FLNB: variants seen among roughly 807,000 people sequenced by gnomAD.
FLNB encodes filamin B.
FLNB carries 111 observed loss-of-function variants against 250.6 expected under a neutral mutation model. That is an observed-to-expected ratio of 0.44 (90% CI 0.38 to 0.52). The LOEUF is 0.52. Ranked by LOEUF, FLNB falls within the 20% of genes least tolerant of loss-of-function variation. The pLI is 0.00. For missense variants in FLNB, 2,869 were observed against 3,447.8 expected (o/e 0.83, Z 4.20); for synonymous variants, 1,302 against 1,372.1 (o/e 0.95, Z 1.13).
Position 58,029,129 on chromosome 3 carries a change from A to G in FLNB, c.292+20273A>G, listed in dbSNP as rs144144810. On this transcript the variant is annotated intron_variant, in intron 1 of 45. Coordinates refer to ENST00000295956, the MANE Select transcript of FLNB (RefSeq NM_001457.4). The stretch of plus-strand genomic sequence containing the variant: ...TTTGTTGTTTTTATGGTGTTATGAC[A>G]ATGATCCATCTTAACCCTTTATGTA... Among the ~76,000 whole-genome samples the G allele has an allele frequency of 1.5e-3, 228 of 152,040 alleles. 1 individual carries two copies. Among genetic ancestry groups the G allele is most frequent in the African/African-American group, 5.3e-3 (217 of 41,330 alleles).
chr3:58,008,503 T>C lies in FLNB; in HGVS notation c.-62T>C. 1.3e-6 allele frequency: 2 copies of C among 1,537,504 alleles called. No homozygotes were observed. Among genetic ancestry groups the C allele is most frequent in the South Asian group, 1.2e-5 (1 of 84,102 alleles). On this transcript the variant is annotated 5_prime_UTR_variant, in exon 1 of 46. Transcript: ENST00000295956. ...GCTTCGGTTCTCGCTCCTTCGGCCC[T>C]TGGGCCTCCAAACACCAGTCCCCGG...
intron 1 of FLNB, among the ~76,000 whole-genome samples, chr3:58,064,063 C>T (rs1418994537): frequency 6.6e-6 from 1 of 152,068 alleles, no homozygotes; most frequent in African/African-American, 2.4e-5. Context: ...AGAGTCATTT[C>T]AAGCCAATTT....
At chr3:58,043,904 A>T (rs895097210) in intron 1 of FLNB, among the ~76,000 whole-genome samples, 9 of 152,198 alleles carry the variant, frequency 5.9e-5, no homozygotes, top group Non-Finnish European at 1.2e-4. Flanking sequence ...ACTTAAGTGT[A>T]ATCCTGCAGC....
rs1379171444 is a variant in FLNB at position 58,148,856 on chromosome 3, T to A, written c.6091+4T>A. ...ATCGTGGACACAAGGGATGCAGGTC[T>A]GTGTGGTCCCAGGGGAGAGGCCCAG... On this transcript the variant is annotated splice_donor_region_variant and intron_variant, in intron 36 of 45. Transcript: ENST00000295956. 3 of 1,611,042 alleles carry A rather than the reference T, an allele frequency of 1.9e-6. No homozygotes were observed. The highest frequency in any genetic ancestry group is 2.5e-6 in the Non-Finnish European group (3 of 1,179,780).
chr3:58,162,459 T>G (rs2097363375), intron 42 of FLNB: 1 of 152,574 alleles, frequency 6.6e-6, no homozygotes, highest in Admixed American at 6.5e-5. Context: ...AGCTTTGAGC[T>G]TAATTAAGGA....
At position 58,088,127 on chromosome 3, in the gene FLNB, C is replaced by G. The variant is rs143189985; in HGVS notation, c.787+6351C>G. On this transcript the variant is annotated intron_variant, in intron 4 of 45. Coordinates refer to ENST00000295956, the MANE Select transcript of FLNB (RefSeq NM_001457.4). The stretch of plus-strand genomic sequence containing the variant: ...TATGATCTTGGCTCGCTGCAACCCC[C>G]GCCTCTGCCTCCTGGGTTCAAGGGA... 2.3e-3 allele frequency among the ~76,000 whole-genome samples: 342 copies of G among 146,936 alleles called. 3 individuals carry two copies. Among genetic ancestry groups the G allele is most frequent in the African/African-American group, 8.1e-3 (320 of 39,642 alleles).
At chr3:58,143,685 A>G (rs2097331062) in intron 32 of FLNB, 72 bp downstream of exon 32, 1 of 1,587,404 alleles carries the variant, frequency 6.3e-7, no homozygotes, top group Non-Finnish European at 8.6e-7. Flanking sequence ...GACACTCCTC[A>G]GCCGCTTTGC....
chr3:58,113,970 C>A (rs886958187), intron 18 of FLNB, among the ~76,000 whole-genome samples: 2 of 152,144 alleles, frequency 1.3e-5, no homozygotes, highest in South Asian at 4.1e-4. Context: ...TGAGCCACTG[C>A]GCCTGACCTC....
At chr3:58,117,263 G>A (rs982784680) in intron 18 of FLNB, among the ~76,000 whole-genome samples, 31 of 152,160 alleles carry the variant, frequency 2.0e-4, no homozygotes, top group African/African-American at 7.2e-4. Flanking sequence ...GGCATTGTAG[G>A]TGTAAATCTC....
At chr3:58,114,253 G>A (rs906881547) in intron 18 of FLNB, among the ~76,000 whole-genome samples, 2 of 152,016 alleles carry the variant, frequency 1.3e-5, no homozygotes, top group East Asian at 1.9e-4. Context: ...GTACAGGCAC[G>A]TGCCACCATG....
At chr3:58,102,139 C>T (rs1369374287) in intron 8 of FLNB, 64 bp from the exon 9 acceptor site, 4 of 1,601,728 alleles carry the variant, frequency 2.5e-6, no homozygotes, top group Non-Finnish European at 3.4e-6. Context: ...TCCAGGTTAC[C>T]TTGGCTTTCA....
In FLNB at chr3:58,170,864, A is replaced by AC; in HGVS notation, c.*106dup. On this transcript the variant is annotated 3_prime_UTR_variant, in exon 46 of 46. Coordinates refer to ENST00000295956, the MANE Select transcript of FLNB (RefSeq NM_001457.4). The stretch of plus-strand genomic sequence containing the variant: ...CCTCCAGCCTGTTTGTGGGGCTGAA[A>AC]CCCCATCCCTAAAATATTGCTGTTG... 1 of 1,051,224 alleles carries AC rather than the reference A, an allele frequency of 9.5e-7. No individual in the cohort carries two copies. Among genetic ancestry groups the AC allele is most frequent in the Non-Finnish European group, 1.4e-6 (1 of 695,222 alleles). 65.1% of individuals were successfully genotyped at this position (1,051,224 alleles called of 1,614,324 possible).
At chr3:58,023,867 T>C (rs772927847) in intron 1 of FLNB, among the ~76,000 whole-genome samples, 1 of 152,222 alleles carries the variant, frequency 6.6e-6, no homozygotes, top group Non-Finnish European at 1.5e-5. Context: ...ATAATAGTTA[T>C]TATACTTGGT....
At chr3:58,103,293 T>TGTGTGC (rs1491138998) in intron 9 of FLNB, among the ~76,000 whole-genome samples, 2 of 138,474 alleles carry the variant, frequency 1.4e-5, no homozygotes, top group Non-Finnish European at 3.1e-5. Flanking sequence ...TGTGTGTGTG[T>TGTGTGC]GCACGCGCGT....
At chr3:58,101,024 T>C (rs1480626118) in intron 8 of FLNB, among the ~76,000 whole-genome samples, 1 of 152,182 alleles carries the variant, frequency 6.6e-6, no homozygotes. Context: ...TGTAAATTAT[T>C]TTATGTTAAA....
At position 58,153,568 on chromosome 3, in the gene FLNB, A is replaced by C; in HGVS notation, c.6561A>C (p.Pro2187=). 1.2e-6 allele frequency: 2 copies of C among 1,614,114 alleles called. No individual in the cohort carries two copies. Among genetic ancestry groups the C allele is most frequent in the Non-Finnish European group, 1.7e-6 (2 of 1,180,034 alleles). The change falls in exon 39 of 46, where the codon CCA becomes CCC. Residue 2187 remains proline, a synonymous_variant. Transcript: ENST00000295956. ...TGSPFQFTVG[P]LGEGGAHKVR... is the part of the protein sequence containing the mutation. Reference sequence around the variant, plus strand: ...GCCCCTTCCAGTTCACCGTGGGGCCACTTGGTGAAGGAGGCGCCCACAAGG... The same window carrying C: ...GCCCCTTCCAGTTCACCGTGGGGCCCCTTGGTGAAGGAGGCGCCCACAAGG...
intron 4 of FLNB, among the ~76,000 whole-genome samples, chr3:58,082,215 TC>T (rs2097210162): frequency 1.3e-5 from 2 of 152,150 alleles, no homozygotes; most frequent in Admixed American, 1.3e-4. Flanking sequence ...GGCAGATACT[TC>T]CTTGCTAAGA....
chr3:58,142,739 A>C lies in FLNB; in HGVS notation c.5271A>C (p.Lys1757Asn). 4 of 1,614,126 alleles carry C rather than the reference A, an allele frequency of 2.5e-6. No homozygotes were observed. Among genetic ancestry groups the C allele is most frequent in the Non-Finnish European group, 3.4e-6 (4 of 1,179,944 alleles). ...FDLVIPFAVR[K>N]GEITGEVHMP... Reference sequence around the variant, plus strand: ...TGGTCATTCCGTTTGCTGTCAGGAAAGGAGAAATCACTGGTAAGCACTTGC... The same window carrying C: ...TGGTCATTCCGTTTGCTGTCAGGAACGGAGAAATCACTGGTAAGCACTTGC... The change falls in exon 31 of 46, where the codon AAA (lysine) becomes AAC (asparagine). Residue 1757 changes from lysine to asparagine, a missense_variant. Physicochemically the swap from Lys to Asn is moderately conservative, Grantham distance 94 (BLOSUM62 0). Coordinates refer to ENST00000295956, the MANE Select transcript of FLNB (RefSeq NM_001457.4). The surrounding 1 kb of genome is among the most constrained non-coding windows in gnomAD (Gnocchi z 4.3).
chr3:58,067,555 A>G (rs1430774614), intron 1 of FLNB, among the ~76,000 whole-genome samples: 1 of 149,994 alleles, frequency 6.7e-6, no homozygotes, highest in Non-Finnish European at 1.5e-5. Flanking sequence ...TTATAGTTTA[A>G]CCACTGTAAC....
Sources: gnomAD v4.1 joint callset for allele counts (sites outside exome capture counted in the v4.1 genomes callset) on GRCh38, gnomAD v4.1.1 for gene constraint, Gnocchi (gnomAD v3.1) non-coding constraint, MANE v1.5 for transcripts, NCBI Gene and HGNC (gene_info 2026-07-23, HGNC 2026-07-21) for gene names.